The following ZNF618 variants were observed in gnomAD, a reference collection of about 807,000 sequenced individuals.
ZNF618 encodes the protein neural precursor cell expressed, developmentally down-regulated 10.
Under a neutral mutation model 103.0 loss-of-function variants are expected in ZNF618, and 34 were observed. The ratio of observed to expected loss-of-function variants is 0.33; its 90% CI spans 0.25 to 0.44. The LOEUF (loss-of-function observed/expected upper bound fraction) is 0.44. Ranked by LOEUF, ZNF618 falls within the 20% of genes least tolerant of loss-of-function variation. ZNF618 has a pLI of 1.00. For missense variants in ZNF618, 1,059 were observed against 1,295.4 expected, an observed-to-expected ratio of 0.82 and a Z score of 2.80; for synonymous variants, 551 against 542.2, an observed-to-expected ratio of 1.02 and a Z score of -0.23.
chr9:113,919,776 C>T (rs775315092), intron 1 of ZNF618, among the ~76,000 whole-genome samples: 8 of 152,220 alleles, frequency 5.3e-5, no homozygotes, highest in Non-Finnish European at 1.2e-4. Context: ...AGGAGGGTTG[C>T]CTCTAGTTTG....
chr9:113,912,827 T>C (rs1481246573), intron 1 of ZNF618, among the ~76,000 whole-genome samples: 1 of 152,138 alleles, frequency 6.6e-6, no homozygotes, highest in Non-Finnish European at 1.5e-5. Flanking sequence ...TTTCCCCATC[T>C]GTACAGTTAA....
At chr9:114,032,594 A>T (rs1446721955) in intron 11 of ZNF618, 51 bp from the exon 12 acceptor site, 73 of 1,557,686 alleles carry the variant, frequency 4.7e-5, no homozygotes, top group Non-Finnish European at 6.3e-5. Context: ...CTTGAGACCT[A>T]GTGCTGACCA....
chr9:113,996,956 T>G (rs927517041), intron 3 of ZNF618, among the ~76,000 whole-genome samples: 3 of 152,198 alleles, frequency 2.0e-5, no homozygotes, highest in Non-Finnish European at 2.9e-5. Context: ...CTAGCCAAGC[T>G]GATGCTCATC....
chr9:114,034,582 G>A (rs1401962402), intron 12 of ZNF618, among the ~76,000 whole-genome samples: 1 of 152,208 alleles, frequency 6.6e-6, no homozygotes, highest in East Asian at 1.9e-4. Context: ...ACTTTTTGGA[G>A]TGGGAAACTG....
intron 13 of ZNF618, among the ~76,000 whole-genome samples, chr9:114,041,521 G>T (rs1227425538): frequency 6.6e-6 from 1 of 152,142 alleles, no homozygotes; most frequent in African/African-American, 2.4e-5. Flanking sequence ...TGTAAGGAAG[G>T]GATCCAGTTT....
chr9:113,950,462 A>C (rs1835457494), intron 1 of ZNF618, among the ~76,000 whole-genome samples: 2 of 152,166 alleles, frequency 1.3e-5, no homozygotes, highest in Admixed American at 1.3e-4. Flanking sequence ...CCATGGGTTG[A>C]TGATCCATGT....
intron 9 of ZNF618, among the ~76,000 whole-genome samples, chr9:114,014,974 A>G (rs1012021891): frequency 1.5e-4 from 23 of 152,350 alleles, no homozygotes; most frequent in African/African-American, 5.5e-4. Flanking sequence ...CAAATATACA[A>G]AATAAATTTA....
At position 113,951,531 on chromosome 9, in the gene ZNF618, G is replaced by GTGTATACATGTAAACATA. The variant is rs1588134363; in HGVS notation, c.34-17583_34-17582insATACATGTAAACATATGT. On this transcript the variant is annotated intron_variant, in intron 1 of 14. Transcript: ENST00000374126. ...TATATGTGTGTATATGTACACATAT[G>GTGTATACATGTAAACATA]TGTGTACATATGTACACATATGTGT... is the stretch of plus-strand genomic sequence containing the variant. 7.9e-5 allele frequency among the ~76,000 whole-genome samples: 2 copies of GTGTATACATGTAAACATA among 25,182 alleles called. 1 individual carries two copies. Among genetic ancestry groups the GTGTATACATGTAAACATA allele is most frequent in the Non-Finnish European group, 1.8e-4 (2 of 10,900 alleles). The allele number at this position is 25,182 out of a possible 152,430, so 16.5% of individuals were successfully genotyped here. A position where few individuals can be genotyped will look rare whatever the true frequency, so the allele number is the denominator to read the frequency against.
Position 113,996,132 on chromosome 9 carries a change from C to G in ZNF618, c.338-2127C>G, listed in dbSNP as rs550887888. 2.0e-5 allele frequency among the ~76,000 whole-genome samples: 3 copies of G among 152,254 alleles called. No individual in the cohort carries two copies. In the East Asian group the frequency reaches 5.8e-4, roughly 29 times the overall value. ...AGAGGACATTTGGTTTGAGGCCAAG[C>G]CCCAGAGCCTCAGGAAACCCACTTG... On this transcript the variant is annotated intron_variant, in intron 3 of 14. Coordinates refer to ENST00000374126, the MANE Select transcript of ZNF618 (RefSeq NM_001318042.2).
In ZNF618 at chr9:114,050,209, C is replaced by T. The variant is rs1280644391; in HGVS notation, c.*42C>T. The T allele has an allele frequency of 6.6e-7, 1 of 1,505,302 alleles. No homozygotes were observed. Among genetic ancestry groups the T allele is most frequent in the Middle Eastern group, 1.8e-4 (1 of 5,596 alleles). 93.2% of individuals were successfully genotyped at this position (1,505,302 alleles called of 1,614,324 possible). A position where few individuals can be genotyped will look rare whatever the true frequency, so the allele number is the denominator to read the frequency against. Reference sequence around the variant, plus strand: ...AAAAAAAAAGAAAAAGAGAAGATAACATTAGAAAAAAACCACACAACACTG... The same window carrying T: ...AAAAAAAAAGAAAAAGAGAAGATAATATTAGAAAAAAACCACACAACACTG... On this transcript the variant is annotated 3_prime_UTR_variant, in exon 15 of 15. Coordinates refer to ENST00000374126, the MANE Select transcript of ZNF618 (RefSeq NM_001318042.2).
At chr9:114,032,780 G>A (rs367587614) in intron 12 of ZNF618, 52 bp downstream of exon 12, 41 of 1,540,634 alleles carry the variant, frequency 2.7e-5, no homozygotes, top group South Asian at 2.1e-4. Context: ...AGCTTCGCCC[G>A]CTCCCCCCTG....
chr9:114,002,750 T>C, intron 6 of ZNF618, 88 bp downstream of exon 6: 2 of 1,463,932 alleles, frequency 1.4e-6, no homozygotes, highest in Non-Finnish European at 1.9e-6. Context: ...CCCCCAGAAC[T>C]GCTCCAGGTG....
chr9:113,961,071 T>C (rs1836800340), intron 1 of ZNF618, among the ~76,000 whole-genome samples: 1 of 152,222 alleles, frequency 6.6e-6, no homozygotes, highest in African/African-American at 2.4e-5. Context: ...CCATCCAGCC[T>C]GTGTTAGCTT....
chr9:114,036,514 G>A, intron 13 of ZNF618, 137 bp downstream of exon 13: 1 of 896,768 alleles, frequency 1.1e-6, no homozygotes, highest in African/African-American at 1.7e-5. Flanking sequence ...GAACCTGCTT[G>A]CAGGGAGCCC....
At position 113,956,469 on chromosome 9, in the gene ZNF618, C is replaced by G. The variant is rs564420939; in HGVS notation, c.34-12648C>G. 6.6e-5 allele frequency among the ~76,000 whole-genome samples: 10 copies of G among 152,296 alleles called. No individual in the cohort carries two copies. The South Asian group carries it at 2.1e-3, about 32-fold the overall frequency. On this transcript the variant is annotated intron_variant, in intron 1 of 14. Transcript: ENST00000374126. ...TTGGACCCCATTCACCACTCTGGCT[C>G]TCTGACTATTGGAACTACAATTCCT...
intron 2 of ZNF618, among the ~76,000 whole-genome samples, chr9:113,971,815 G>A (rs546477341): frequency 1.2e-4 from 19 of 152,214 alleles, no homozygotes; most frequent in Middle Eastern, 3.4e-3. Flanking sequence ...AGGGTGGCAC[G>A]TGAGACATTG....
intron 11 of ZNF618, 115 bp from the exon 12 acceptor site, chr9:114,032,530 A>C (rs1844174219): frequency 1.1e-6 from 1 of 910,032 alleles, no homozygotes; most frequent in Non-Finnish European, 1.8e-6. Context: ...TGGAGCCCTC[A>C]CGAGAGCTAG....
chr9:113,914,080 C>T (rs1312944373), intron 1 of ZNF618, among the ~76,000 whole-genome samples: 1 of 152,076 alleles, frequency 6.6e-6, no homozygotes, highest in East Asian at 1.9e-4. Flanking sequence ...CCTCTAAGCA[C>T]ACTTTTTATT....
rs536657369 is a variant in ZNF618 at position 114,049,299 on chromosome 9, A to G, written c.1997A>G (p.Asn666Ser). The change falls in exon 15 of 15, where the codon AAC becomes AGC. Residue 666 changes from asparagine to serine, a missense_variant. Physicochemically the swap from Asn to Ser is conservative, Grantham distance 46. This residue lies in a region of ZNF618 where 272 missense variants were observed against 380.1 expected (regional missense o/e 0.72). Coordinates refer to ENST00000374126, the MANE Select transcript of ZNF618 (RefSeq NM_001318042.2). The stretch of plus-strand genomic sequence containing the variant: ...ATGCACGAGGTCATCGAGCTGCTCA[A>G]CGTGTGCGAGGACCTGGCGGGCTCC... Reference protein sequence around the residue: ...RSMHEVIELLNVCEDLAGSTG... With the variant: ...RSMHEVIELLSVCEDLAGSTG... 3.7e-6 allele frequency: 6 copies of G among 1,612,140 alleles called. No homozygotes were observed. The African/African-American group carries it at 4.0e-5, about 11-fold the overall frequency.
Sources: gnomAD v4.1 joint callset for allele counts (sites outside exome capture counted in the v4.1 genomes callset) on GRCh38, gnomAD v4.1.1 for gene constraint, gnomAD v4.1.1 regional missense constraint, MANE v1.5 for transcripts, NCBI Gene and HGNC (gene_info 2026-07-23, HGNC 2026-07-21) for gene names.